The following TRDN variants were observed in gnomAD, a reference collection of about 807,000 sequenced individuals.
TRDN encodes triadin in skeletal muscle.
A neutral mutation model predicts 149.7 loss-of-function variants in TRDN; 161 were observed. The ratio of observed to expected loss-of-function variants is 1.08; its 90% confidence interval spans 0.95 to 1.23. The LOEUF is 1.23. Ranked by LOEUF, TRDN falls within the 50% of genes most tolerant of loss-of-function variation. The pLI is 0.00. For synonymous variants in TRDN, 294 were observed against 250.5 expected (o/e 1.17, Z -1.64); for missense variants, 896 against 823.5 (o/e 1.09, Z -1.08).
At chr6:123,291,406 A>G (rs1380345075) in intron 24 of TRDN, among the ~76,000 whole-genome samples, 3 of 152,024 alleles carry the variant, frequency 2.0e-5, no homozygotes, top group African/African-American at 7.2e-5. Flanking sequence ...CTACTAAAAA[A>G]TACAAAAAAT....
intron 24 of TRDN, among the ~76,000 whole-genome samples, chr6:123,314,739 G>A (rs1778961942): frequency 6.6e-6 from 1 of 152,024 alleles, no homozygotes. Context: ...AACTAATGCA[G>A]GGACAGAAAA....
intron 8 of TRDN, chr6:123,501,771 C>T (rs1778709522): frequency 1.3e-6 from 1 of 790,294 alleles, no homozygotes; most frequent in Non-Finnish European, 1.5e-6. Context: ...TTTGAATGTC[C>T]TTTTAATAGA....
chr6:123,497,112 T>C (rs1778482107), intron 9 of TRDN, 81 bp downstream of exon 9: 2 of 1,086,048 alleles, frequency 1.8e-6, no homozygotes, highest in African/African-American at 3.4e-5. Flanking sequence ...AAAATGAAAA[T>C]ACAGTTAGGT....
intron 38 of TRDN, among the ~76,000 whole-genome samples, chr6:123,233,461 C>A (rs1775681527): frequency 6.6e-6 from 1 of 152,082 alleles, no homozygotes; most frequent in South Asian, 2.1e-4. Flanking sequence ...GTATGCGACC[C>A]TTTCTTAGTG....
chr6:123,335,533 T>G (rs796880323), intron 22 of TRDN, among the ~76,000 whole-genome samples: 1 of 151,878 alleles, frequency 6.6e-6, no homozygotes, highest in African/African-American at 2.4e-5. Context: ...AAAGCCTACT[T>G]AATGAAGTGG....
rs540051878 is a variant in TRDN, at chr6:123,327,333, A to C, written c.1471+4546T>G. ...ATTCCACCTTATTATTTTTCAAAAA[A>C]TATTTTCTTATTTTTGTCCTTTCAA... On this transcript the variant is annotated intron_variant, in intron 23 of 40. Coordinates refer to ENST00000334268, the MANE Select transcript of TRDN (RefSeq NM_006073.4). Among the ~76,000 whole-genome samples the C allele has an allele frequency of 2.6e-4, 39 of 152,160 alleles. 1 individual carries two copies. The highest frequency in any genetic ancestry group is 4.7e-4 in the Non-Finnish European group (32 of 67,958).
intron 1 of TRDN, among the ~76,000 whole-genome samples, chr6:123,616,370 C>T (rs1480745815): frequency 6.7e-6 from 1 of 150,090 alleles, no homozygotes; most frequent in Non-Finnish European, 1.5e-5. Context: ...TTATACTTTA[C>T]ATTATTTATA....
chr6:123,246,790 GAAAA>G (rs139540215), intron 38 of TRDN, among the ~76,000 whole-genome samples: 3 of 137,806 alleles, frequency 2.2e-5, no homozygotes, highest in East Asian at 2.1e-4. Flanking sequence ...AGACATAACA[GAAAA>G]AAAAAAAAAG....
At chr6:123,303,296 C>T (rs555826177) in intron 24 of TRDN, among the ~76,000 whole-genome samples, 24 of 130,434 alleles carry the variant, frequency 1.8e-4, no homozygotes, top group African/African-American at 6.1e-4. Flanking sequence ...AAATTATTAA[C>T]CAATGATTTC....
intron 20 of TRDN, among the ~76,000 whole-genome samples, chr6:123,365,931 T>A (rs1781083165): frequency 6.6e-6 from 1 of 152,324 alleles, no homozygotes; most frequent in African/African-American, 2.4e-5. Context: ...ATAACTAGCT[T>A]TAATTTATGG....
At chr6:123,410,537 G>A (rs893072808) in intron 12 of TRDN, among the ~76,000 whole-genome samples, 3 of 152,058 alleles carry the variant, frequency 2.0e-5, no homozygotes, top group Non-Finnish European at 4.4e-5. Flanking sequence ...AGTATTTTAA[G>A]TATATATTTA....
At chr6:123,243,787 A>T (rs1241805860) in intron 38 of TRDN, among the ~76,000 whole-genome samples, 1 of 151,594 alleles carries the variant, frequency 6.6e-6, no homozygotes, top group East Asian at 1.9e-4. Flanking sequence ...ATGATGAGCA[A>T]TTTTTTTTTG....
chr6:123,315,291 C>T (rs1051678755), intron 24 of TRDN, among the ~76,000 whole-genome samples: 5 of 151,822 alleles, frequency 3.3e-5, no homozygotes, highest in African/African-American at 9.7e-5. Context: ...TGTAAACACT[C>T]AATATAACAT....
intron 10 of TRDN, among the ~76,000 whole-genome samples, chr6:123,464,033 C>T (rs1197743971): frequency 6.6e-6 from 1 of 152,104 alleles, no homozygotes; most frequent in African/African-American, 2.4e-5. Context: ...TCTAGGGTGG[C>T]TGTGATCTGA....
At chr6:123,606,986 C>T (rs1784555979) in intron 1 of TRDN, among the ~76,000 whole-genome samples, 1 of 152,192 alleles carries the variant, frequency 6.6e-6, no homozygotes, top group African/African-American at 2.4e-5. Context: ...TCCCCCCACA[C>T]ATTGATAAGC....
intron 4 of TRDN, among the ~76,000 whole-genome samples, chr6:123,541,042 A>G (rs115567979): frequency 0.012 from 1,811 of 152,318 alleles, 17 homozygotes; most frequent in Admixed American, 0.02. Context: ...TGAATTTGAA[A>G]CAGGAAACAT....
chr6:123,493,601 A>T (rs1302239434), intron 9 of TRDN, among the ~76,000 whole-genome samples: 1 of 152,176 alleles, frequency 6.6e-6, no homozygotes, highest in Non-Finnish European at 1.5e-5. Context: ...CCCAGAGGGA[A>T]AAATCAAATT....
chr6:123,594,362 CCTAATCCAGA>C (rs1783928662), intron 1 of TRDN, among the ~76,000 whole-genome samples: 1 of 151,962 alleles, frequency 6.6e-6, no homozygotes, highest in South Asian at 2.1e-4. Context: ...TTTGTGGATG[CCTAATCCAGA>C]CTAATCCAGA....
At chr6:123,230,052 T>C (rs897828917) in intron 38 of TRDN, among the ~76,000 whole-genome samples, 1 of 151,932 alleles carries the variant, frequency 6.6e-6, no homozygotes, top group Non-Finnish European at 1.5e-5. Context: ...GTTACCATAA[T>C]TGAAATTAAA....
Sources: gnomAD v4.1 joint callset for allele counts (sites outside exome capture counted in the v4.1 genomes callset) on GRCh38, gnomAD v4.1.1 for gene constraint, MANE v1.5 for transcripts, NCBI Gene and HGNC (gene_info 2026-07-23, HGNC 2026-07-21) for gene names.